EXOC4: variants seen among roughly 807,000 people sequenced by gnomAD.
The protein encoded by EXOC4 is exocyst complex component 4.
Under a neutral mutation model 107.2 loss-of-function variants are expected in EXOC4, and 71 were observed. The ratio of observed to expected loss-of-function variants is 0.66; its 90% CI spans 0.55 to 0.81. EXOC4 has a LOEUF of 0.81. Among genes scored for constraint, EXOC4 ranks in the 30% least tolerant of loss-of-function variants. The pLI, the probability that EXOC4 is intolerant of heterozygous loss-of-function variation, is 0.00. For synonymous variants in EXOC4, 456 were observed against 441.2 expected, an observed-to-expected ratio of 1.03 and a Z score of -0.42; for missense variants, 1,108 against 1,189.6, an observed-to-expected ratio of 0.93 and a Z score of 1.01.
At chr7:133,621,186 T>A (rs1353722534) in intron 9 of EXOC4, among the ~76,000 whole-genome samples, 4 of 152,204 alleles carry the variant, frequency 2.6e-5, no homozygotes, top group Admixed American at 6.5e-5. Context: ...GTTGCTTCAT[T>A]TTTGTTTCTT....
intron 9 of EXOC4, among the ~76,000 whole-genome samples, chr7:133,524,284 T>A (rs1800037095): frequency 1.9e-3 from 1 of 530 alleles, no homozygotes; most frequent in African/African-American, 2.1e-3. Flanking sequence ...CACTTTTTGA[T>A]GGGGTTGTTT....
In EXOC4 at chr7:133,907,382, A is replaced by AT. The variant is rs149775285; in HGVS notation, c.1872-10201_1872-10200insT. Among the ~76,000 whole-genome samples, 428 of 151,804 alleles carry AT rather than the reference A, an allele frequency of 2.8e-3. 2 individuals are homozygous for AT. Among genetic ancestry groups the AT allele is most frequent in the African/African-American group, 9.8e-3 (405 of 41,306 alleles). ...GGTTTAACTGTCTTTCTTTAAAAAA[A>AT]ATATTGTTTTTCAATTGTAGCTTCA... is the stretch of plus-strand genomic sequence containing the variant. On this transcript the variant is annotated intron_variant, in intron 12 of 17. Transcript: ENST00000253861.
intron 9 of EXOC4, among the ~76,000 whole-genome samples, chr7:133,603,783 T>G (rs556839422): frequency 6.6e-6 from 1 of 152,290 alleles, no homozygotes; most frequent in South Asian, 2.1e-4. Context: ...ATTACTATAT[T>G]CTACTGTAGA....
At chr7:133,332,428 A>G (rs1244096900) in intron 5 of EXOC4, among the ~76,000 whole-genome samples, 3 of 152,120 alleles carry the variant, frequency 2.0e-5, no homozygotes, top group African/African-American at 7.2e-5. Flanking sequence ...CAGGAGATCG[A>G]GACCATCCTG....
rs747685608 is a variant in EXOC4, at chr7:134,007,723, T to C, written c.2575T>C (p.Phe859Leu). ...CATCCTCATTAATGGTGCCCAGTAC[T>C]TCAGGCGCATCAGTGAGTCTGGCAT... ...SCILINGAQY[F>L]RRISESGIKK... The change falls in exon 17 of 18, where the codon TTC becomes CTC. Residue 859 changes from phenylalanine (F) to leucine (L), a missense_variant. By Grantham distance (22) the Phe-to-Leu change is conservative (BLOSUM62 0). Coordinates refer to ENST00000253861, the MANE Select transcript of EXOC4 (RefSeq NM_021807.4). 5.0e-6 allele frequency: 8 copies of C among 1,613,626 alleles called. No homozygotes were observed. Among genetic ancestry groups the C allele is most frequent in the African/African-American group, 2.7e-5 (2 of 75,014 alleles).
chr7:133,909,127 C>T (rs1396552530), intron 12 of EXOC4, among the ~76,000 whole-genome samples: 1 of 152,090 alleles, frequency 6.6e-6, no homozygotes, highest in African/African-American at 2.4e-5. Flanking sequence ...TTGTTATTTT[C>T]CTGGCGTTTT....
At chr7:133,778,593 A>G (rs1429641631) in intron 10 of EXOC4, among the ~76,000 whole-genome samples, 1 of 152,192 alleles carries the variant, frequency 6.6e-6, no homozygotes, top group Non-Finnish European at 1.5e-5. Context: ...CAAAAAACAA[A>G]GACTTCTCTA....
chr7:133,441,460 G>A (rs1311799827), intron 7 of EXOC4, among the ~76,000 whole-genome samples: 2 of 152,032 alleles, frequency 1.3e-5, no homozygotes, highest in African/African-American at 2.4e-5. Flanking sequence ...GTGCAGTCTC[G>A]GCTTACTGCA....
At chr7:133,963,422 A>AT (rs755542381) in intron 14 of EXOC4, among the ~76,000 whole-genome samples, 10 of 152,198 alleles carry the variant, frequency 6.6e-5, no homozygotes, top group Non-Finnish European at 1.0e-4. Context: ...CAACACACAC[A>AT]TTTTGAACCC....
At chr7:133,900,708 C>T (rs1022289069) in intron 12 of EXOC4, among the ~76,000 whole-genome samples, 2 of 152,004 alleles carry the variant, frequency 1.3e-5, no homozygotes, top group African/African-American at 4.8e-5. Flanking sequence ...GAGGAAGGAA[C>T]AGATTAAGAG....
chr7:133,549,951 A>G (rs1800554369), intron 9 of EXOC4, among the ~76,000 whole-genome samples: 1 of 152,086 alleles, frequency 6.6e-6, no homozygotes, highest in Non-Finnish European at 1.5e-5. Context: ...CACATTTTTA[A>G]GTTTGAAATT....
chr7:133,408,641 A>G (rs964329994), intron 7 of EXOC4, among the ~76,000 whole-genome samples: 1 of 152,066 alleles, frequency 6.6e-6, no homozygotes, highest in Non-Finnish European at 1.5e-5. Flanking sequence ...AACCTCTGGG[A>G]TGATCTAATT....
At chr7:133,376,064 G>A (rs1796483704) in intron 7 of EXOC4, among the ~76,000 whole-genome samples, 1 of 152,152 alleles carries the variant, frequency 6.6e-6, no homozygotes, top group South Asian at 2.1e-4. Flanking sequence ...TGGCAAATAA[G>A]AGTCTTTGCA....
At chr7:133,741,227 C>T (rs1562978316) in intron 10 of EXOC4, among the ~76,000 whole-genome samples, 4 of 152,140 alleles carry the variant, frequency 2.6e-5, no homozygotes, top group African/African-American at 7.2e-5. Context: ...CATCTCTCTT[C>T]CCGTTCTTGC....
At chr7:134,047,311 C>G (rs1795678928) in intron 17 of EXOC4, among the ~76,000 whole-genome samples, 1 of 151,628 alleles carries the variant, frequency 6.6e-6, no homozygotes, top group Non-Finnish European at 1.5e-5. Context: ...TATATTTTTC[C>G]CCTCAAAGGC....
At chr7:133,747,387 G>A (rs1376848275) in intron 10 of EXOC4, among the ~76,000 whole-genome samples, 1 of 152,126 alleles carries the variant, frequency 6.6e-6, no homozygotes, top group African/African-American at 2.4e-5. Flanking sequence ...AAATGGTACA[G>A]GTTGAATTTT....
At chr7:133,769,625 A>C (rs940265462) in intron 10 of EXOC4, among the ~76,000 whole-genome samples, 2 of 151,894 alleles carry the variant, frequency 1.3e-5, no homozygotes, top group Non-Finnish European at 2.9e-5. Context: ...TAAGAAAAAA[A>C]AAGACTGACT....
At chr7:133,395,498 C>G (rs768092317) in intron 7 of EXOC4, among the ~76,000 whole-genome samples, 1 of 152,026 alleles carries the variant, frequency 6.6e-6, no homozygotes, top group South Asian at 2.1e-4. Context: ...TGATCTGTGG[C>G]CAGCTGGGAT....
chr7:133,694,305 C>A (rs1794486307), intron 10 of EXOC4, among the ~76,000 whole-genome samples: 1 of 150,910 alleles, frequency 6.6e-6, no homozygotes, highest in African/African-American at 2.4e-5. Flanking sequence ...AAGTCTCAGA[C>A]CTATGGAAGC....
Sources: allele counts gnomAD v4.1 joint callset (sites outside exome capture counted in the v4.1 genomes callset), GRCh38; gene constraint gnomAD v4.1.1; transcripts MANE v1.5; gene names NCBI Gene and HGNC (gene_info 2026-07-23, HGNC 2026-07-21).